CCR3: variants seen among roughly 807,000 people sequenced by gnomAD.
CCR3 encodes C-C chemokine receptor type 3.
For synonymous variants in CCR3, 203 were observed against 179.2 expected (o/e 1.13, Z -1.06); for missense variants, 419 against 437.5 (o/e 0.96, Z 0.38).
intron 2 of CCR3, among the ~76,000 whole-genome samples, chr3:46,212,916 G>A (rs867506501): frequency 2.6e-5 from 4 of 152,168 alleles, no homozygotes; most frequent in South Asian, 2.1e-4. Context: ...AACTTCTTAG[G>A]GGGGTAGGGG....
intron 1 of CCR3, among the ~76,000 whole-genome samples, chr3:46,252,343 ATT>A (rs533486011): frequency 1.4e-5 from 2 of 145,406 alleles, no homozygotes; most frequent in East Asian, 2.0e-4. Flanking sequence ...TGCCCAGCTA[ATT>A]TTTTTTTTTT....
intron 2 of CCR3, among the ~76,000 whole-genome samples, chr3:46,223,537 A>G (rs1022079036): frequency 2.0e-5 from 3 of 152,144 alleles, no homozygotes; most frequent in Non-Finnish European, 4.4e-5. Context: ...GCATATATAT[A>G]AGAGGTGGTC....
At chr3:46,240,428 C>T (rs961821450), upstream of CCR3, among the ~76,000 whole-genome samples, 2 of 152,260 alleles carry the variant, frequency 1.3e-5, no homozygotes, top group African/African-American at 4.8e-5. Flanking sequence ...CTTGGTAGCT[C>T]TACTTCCTTT....
intron 2 of CCR3, among the ~76,000 whole-genome samples, chr3:46,215,788 C>T (rs1699767662): frequency 6.6e-6 from 1 of 152,180 alleles, no homozygotes; most frequent in South Asian, 2.1e-4. Flanking sequence ...ATGAATGGTG[C>T]CACAGAGCAA....
At chr3:46,217,796 C>T (rs1699791625) in intron 2 of CCR3, among the ~76,000 whole-genome samples, 2 of 151,672 alleles carry the variant, frequency 1.3e-5, no homozygotes, top group Admixed American at 6.6e-5. Context: ...TGATCAAAAC[C>T]TCTGGGATAC....
intron 2 of CCR3, among the ~76,000 whole-genome samples, chr3:46,226,789 G>A (rs1403644001): frequency 6.6e-6 from 1 of 151,794 alleles, no homozygotes; most frequent in Non-Finnish European, 1.5e-5. Flanking sequence ...CTTTGTAAAT[G>A]CTGTTTATCA....
chr3:46,263,038 T>C (rs1440789094), intron 1 of CCR3, among the ~76,000 whole-genome samples: 4 of 152,334 alleles, frequency 2.6e-5, no homozygotes, highest in South Asian at 4.1e-4. Flanking sequence ...CATGCTTTCT[T>C]GAGCTGTGAA....
At chr3:46,236,520 A>C (rs182483175) in intron 2 of CCR3, among the ~76,000 whole-genome samples, 1 of 152,352 alleles carries the variant, frequency 6.6e-6, no homozygotes, top group Admixed American at 6.5e-5. Context: ...GGGCTGCGTC[A>C]AACTGCCCAC....
chr3:46,251,060 T>C (rs989072237), intron 1 of CCR3, among the ~76,000 whole-genome samples: 7 of 151,462 alleles, frequency 4.6e-5, no homozygotes, highest in African/African-American at 1.7e-4. Context: ...GGTTGAGGGG[T>C]ACTTGCCCCT....
intron 2 of CCR3, among the ~76,000 whole-genome samples, chr3:46,234,038 G>T (rs1236847773): frequency 6.6e-6 from 1 of 152,258 alleles, no homozygotes; most frequent in Non-Finnish European, 1.5e-5. Flanking sequence ...CAATGGACAG[G>T]GGGCAGTATG....
chr3:46,225,938 A>G (rs550828460), intron 2 of CCR3, among the ~76,000 whole-genome samples: 2 of 152,248 alleles, frequency 1.3e-5, no homozygotes, highest in African/African-American at 4.8e-5. Context: ...TTTTTTGAAA[A>G]GACTATCCCT....
chr3:46,214,174 A>G (rs138290362), intron 2 of CCR3, among the ~76,000 whole-genome samples: 17 of 151,984 alleles, frequency 1.1e-4, no homozygotes, highest in Admixed American at 9.8e-4. Flanking sequence ...CTCCAACACC[A>G]CCTGTTATCC....
intron 1 of CCR3, among the ~76,000 whole-genome samples, chr3:46,260,518 C>T (rs533948357): frequency 1.3e-5 from 2 of 152,322 alleles, no homozygotes; most frequent in South Asian, 4.1e-4. Context: ...AAAGGGGCTA[C>T]AGGCCCCATG....
At chr3:46,213,543 C>T (rs1435929442) in intron 2 of CCR3, among the ~76,000 whole-genome samples, 3 of 152,116 alleles carry the variant, frequency 2.0e-5, no homozygotes, top group Non-Finnish European at 2.9e-5. Context: ...AGTTTGAGTC[C>T]GTAAATTATC....
intron 1 of CCR3, among the ~76,000 whole-genome samples, chr3:46,250,599 T>C (rs934949921): frequency 2.0e-5 from 3 of 152,156 alleles, no homozygotes; most frequent in Non-Finnish European, 4.4e-5. Context: ...TCTGGCCATT[T>C]AGAGCCATTG....
chr3:46,244,039 T>G lies in CCR3; in HGVS notation c.-12+1501T>G, dbSNP rs574670576. ...CTAGTGCCAAGAGTATATATATTGT[T>G]ACACACTTTCTGGAAGCAATTTGAC... On this transcript the variant is annotated intron_variant, in intron 1 of 1. Transcript: ENST00000395940. Among the ~76,000 whole-genome samples the G allele has an allele frequency of 7.2e-5, 11 of 152,338 alleles. No individual in the cohort carries two copies. The South Asian group carries it at 2.3e-3, about 32-fold the overall frequency.
At chr3:46,246,799 GA>G (rs1483345812) in intron 1 of CCR3, among the ~76,000 whole-genome samples, 2 of 152,078 alleles carry the variant, frequency 1.3e-5, no homozygotes, top group Admixed American at 6.6e-5. Flanking sequence ...AAAATTTTTG[GA>G]GGGTGGTATG....
intron 1 of CCR3, among the ~76,000 whole-genome samples, chr3:46,243,570 G>C (rs1182131037): frequency 6.6e-6 from 1 of 152,138 alleles, no homozygotes; most frequent in East Asian, 1.9e-4. Flanking sequence ...GAAACGCCTG[G>C]ATTGACAGAG....
chr3:46,232,263 C>T (rs1699973248), intron 2 of CCR3, among the ~76,000 whole-genome samples: 1 of 152,138 alleles, frequency 6.6e-6, no homozygotes, highest in African/African-American at 2.4e-5. Flanking sequence ...CTAATTTGAA[C>T]ATGAAGGTTA....
Sources: gnomAD v4.1 joint callset for allele counts (sites outside exome capture counted in the v4.1 genomes callset) on GRCh38, gnomAD v4.1.1 for gene constraint, MANE v1.5 for transcripts, NCBI Gene and HGNC (gene_info 2026-07-23, HGNC 2026-07-21) for gene names.